Variants in SHPRH observed in about 807,000 individuals in gnomAD.
SHPRH encodes E3 ubiquitin-protein ligase SHPRH.
SHPRH carries 106 observed loss-of-function variants against 202.5 expected under a neutral mutation model. That is an observed-to-expected ratio of 0.52 (90% CI 0.45 to 0.62). The LOEUF (loss-of-function observed/expected upper bound fraction) is 0.62, where lower values mean the gene tolerates loss of function less well. Ranked by LOEUF, SHPRH falls within the 20% of genes least tolerant of loss-of-function variation. The pLI is 0.00. For missense variants in SHPRH, 1,710 were observed against 2,020.0 expected (o/e 0.85, Z 2.94); for synonymous variants, 729 against 686.0 (o/e 1.06, Z -0.98).
intron 25 of SHPRH, among the ~76,000 whole-genome samples, chr6:145,899,496 G>GAAT (rs1264994845): frequency 3.3e-5 from 5 of 152,118 alleles, no homozygotes; most frequent in African/African-American, 1.2e-4. Context: ...ACATGCAAAA[G>GAAT]AATAAAACTG....
intron 25 of SHPRH, among the ~76,000 whole-genome samples, chr6:145,898,033 G>T (rs1782168495): frequency 6.6e-6 from 1 of 151,956 alleles, no homozygotes; most frequent in South Asian, 2.1e-4. Flanking sequence ...GCAAGAAAAA[G>T]AAATAAAAGG....
rs559945413 is a variant in SHPRH at position 145,875,748 on chromosome 6, C to A, written c.222-11257G>T. Among the ~76,000 whole-genome samples, 13 of 152,268 alleles carry A rather than the reference C, an allele frequency of 8.5e-5. No individual in the cohort carries two copies. The South Asian group carries it at 2.1e-3, about 24-fold the overall frequency. On this transcript the variant is annotated intron_variant, in intron 2 of 2. Transcript: ENST00000417762. ...TTTATGCATTGGCTGGTCATTCCAG[C>A]TCCACAGAAAGCTCTTCAGTTGAGT...
chr6:145,889,034 G>A (rs1781358472), intron 28 of SHPRH, among the ~76,000 whole-genome samples: 1 of 152,148 alleles, frequency 6.6e-6, no homozygotes, highest in South Asian at 2.1e-4. Context: ...TTTTGTCCAT[G>A]TGAAACCTAT....
At chr6:145,934,250 T>C (rs1785793366) in intron 13 of SHPRH, among the ~76,000 whole-genome samples, 1 of 151,994 alleles carries the variant, frequency 6.6e-6, no homozygotes, top group Non-Finnish European at 1.5e-5. Context: ...GTGGATTACC[T>C]GAGGTCTGGA....
At chr6:145,933,256 T>G (rs1362339788) in intron 13 of SHPRH, 78 bp from the exon 14 acceptor site, 7 of 1,594,984 alleles carry the variant, frequency 4.4e-6, no homozygotes, top group Non-Finnish European at 6.0e-6. Flanking sequence ...ATATCTCACA[T>G]GATCAAGAGT....
At position 145,945,511 on chromosome 6, in the gene SHPRH, A is replaced by G. The variant is rs767708516; in HGVS notation, c.1448T>C (p.Leu483Ser). Residue 483 changes from leucine (L) to serine (S), a missense_variant, in exon 8 of 30, where the codon TTG becomes TCG. By Grantham distance (145) the Leu-to-Ser change is moderately radical. Transcript: ENST00000275233. Reference protein sequence around the residue: ...RYDVQRNRSLLKRMLKCLIFE... With the variant: ...RYDVQRNRSLSKRMLKCLIFE... ...AATTAAACATTTCAGCATCCGTTTC[A>G]AAAGACTCCTGTTCCGTTGAACATC... 1 of 1,613,346 alleles carries G rather than the reference A, an allele frequency of 6.2e-7. No homozygotes were observed. The highest frequency in any genetic ancestry group is 1.3e-5 in the African/African-American group (1 of 74,996).
At chr6:145,862,228 G>A (rs999601132), downstream of SHPRH, among the ~76,000 whole-genome samples, 9 of 152,034 alleles carry the variant, frequency 5.9e-5, no homozygotes, top group East Asian at 1.9e-4. Context: ...TTGGGAGGCC[G>A]AGGCAGGCGG....
chr6:145,903,353 CAGAAT>C (rs1782668365), intron 25 of SHPRH: 1 of 149,328 alleles, frequency 6.7e-6, no homozygotes, highest in African/African-American at 2.5e-5. Context: ...AAAAAAAAAA[CAGAAT>C]AGAATTCCAC....
chr6:145,894,330 C>T (rs752845654), intron 26 of SHPRH, 94 bp from the exon 27 acceptor site: 97 of 904,228 alleles, frequency 1.1e-4, no homozygotes, highest in Non-Finnish European at 1.4e-4. Context: ...GACTTTTATA[C>T]TGGAGTTAAG....
intron 17 of SHPRH, among the ~76,000 whole-genome samples, 177 bp downstream of exon 17, chr6:145,924,562 T>A (rs1784700513): frequency 6.6e-6 from 1 of 151,970 alleles, no homozygotes; most frequent in Non-Finnish European, 1.5e-5. Context: ...ATCTGTTCAC[T>A]CAACCAATAA....
chr6:145,879,910 C>CAAA (rs67055862), downstream of SHPRH, among the ~76,000 whole-genome samples: 35 of 61,078 alleles, frequency 5.7e-4, no homozygotes, highest in African/African-American at 2.1e-3. Context: ...AACTCAATCT[C>CAAA]AAAAAAAAAA....
intron 2 of SHPRH, among the ~76,000 whole-genome samples, chr6:145,872,293 G>A (rs1449738884): frequency 6.6e-6 from 1 of 151,978 alleles, no homozygotes; most frequent in African/African-American, 2.4e-5. Context: ...TGCAATCTAT[G>A]TATCTGACAA....
chr6:145,935,338 A>G lies in SHPRH; in HGVS notation c.2673T>C (p.His891=), dbSNP rs1387099273. The G allele has an allele frequency of 1.2e-6, 2 of 1,614,028 alleles. No individual in the cohort carries two copies. Among genetic ancestry groups the G allele is most frequent in the Non-Finnish European group, 1.7e-6 (2 of 1,179,980 alleles). Residue 891 remains histidine (H), a synonymous_variant, in exon 12 of 30, where the codon CAT becomes CAC. Transcript: ENST00000275233. ...YRPYCKKNPQ[H]LYSFIAKILW... is the part of the protein sequence containing the mutation. ...GTATCTTGGCAATAAAGCTGTAGAG[A>G]TGCTGAGGATTCTTCTTGCAGTAAG...
rs1326461942 is a variant in SHPRH at position 145,945,616 on chromosome 6, G to A, written c.1343C>T (p.Thr448Ile). 1 of 1,611,540 alleles carries A rather than the reference G, an allele frequency of 6.2e-7. No individual in the cohort carries two copies. Among genetic ancestry groups the A allele is most frequent in the African/African-American group, 1.3e-5 (1 of 74,860 alleles). The change falls in exon 8 of 30, where the codon ACA becomes ATA. Residue 448 changes from threonine to isoleucine, a missense_variant. By Grantham distance (89) the Thr-to-Ile change is moderately conservative. Coordinates refer to ENST00000275233, the MANE Select transcript of SHPRH (RefSeq NM_001042683.3). Reference protein sequence around the residue: ...QCPPTRVMILTAVKEMNGKKG... With the variant: ...QCPPTRVMILIAVKEMNGKKG... ...TTTTCCATTCATTTCTTTCACAGCT[G>A]TCAGTATCATCACACGTGTAGCTAA... is the stretch of plus-strand genomic sequence containing the variant.
intron 1 of SHPRH, among the ~76,000 whole-genome samples, chr6:145,963,337 C>G (rs1390737309): frequency 2.0e-5 from 3 of 152,066 alleles, no homozygotes; most frequent in African/African-American, 7.2e-5. Flanking sequence ...TTATTTTGTT[C>G]AGAAAAAGCC....
intron 14 of SHPRH, among the ~76,000 whole-genome samples, chr6:145,929,714 C>T (rs188395461): frequency 6.6e-6 from 1 of 152,136 alleles, no homozygotes; most frequent in East Asian, 1.9e-4. Context: ...AAATTGAGGA[C>T]TTTCTAGGGA....
downstream of SHPRH, among the ~76,000 whole-genome samples, chr6:145,862,995 A>AT (rs899019619): frequency 7.2e-5 from 11 of 152,170 alleles, no homozygotes; most frequent in African/African-American, 2.7e-4. Context: ...TAAATGAATG[A>AT]TTAAGAGCAA....
chr6:145,883,583 C>T (rs141216570), downstream of SHPRH: 1 of 152,174 alleles, frequency 6.6e-6, no homozygotes, highest in African/African-American at 2.4e-5. Context: ...ATGTGATAAG[C>T]ATTCATGTGG....
At chr6:145,880,805 A>T (rs1456057925), downstream of SHPRH, among the ~76,000 whole-genome samples, 5 of 151,888 alleles carry the variant, frequency 3.3e-5, no homozygotes, top group Admixed American at 6.6e-5. Context: ...GGTTAATAAA[A>T]CAAAATGATG....
Sources: gnomAD v4.1 joint callset for allele counts (sites outside exome capture counted in the v4.1 genomes callset) on GRCh38, gnomAD v4.1.1 for gene constraint, MANE v1.5 for transcripts, NCBI Gene and HGNC (gene_info 2026-07-23, HGNC 2026-07-21) for gene names.